The following FAM3C variants were observed in gnomAD, a reference collection of about 807,000 sequenced individuals.
The protein encoded by FAM3C is FAM3 metabolism regulating signaling molecule C.
Under a neutral mutation model 32.5 loss-of-function variants are expected in FAM3C, and 15 were observed. That is an observed-to-expected ratio of 0.46 (90% CI 0.31 to 0.71). The LOEUF is 0.71. Ranked by LOEUF, FAM3C falls within the 30% of genes least tolerant of loss-of-function variation. FAM3C has a pLI of 0.05. For synonymous variants in FAM3C, 75 were observed against 86.1 expected (o/e 0.87, Z 0.72); for missense variants, 175 against 274.4 (o/e 0.64, Z 2.56).
chr7:121,377,415 T>G (rs1794260265), intron 3 of FAM3C, among the ~76,000 whole-genome samples: 1 of 152,200 alleles, frequency 6.6e-6, no homozygotes, highest in Non-Finnish European at 1.5e-5. Flanking sequence ...AACTCAGTAG[T>G]CCAGCAATCT....
At chr7:121,358,373 C>T (rs556878102) in intron 8 of FAM3C, among the ~76,000 whole-genome samples, 3 of 152,034 alleles carry the variant, frequency 2.0e-5, no homozygotes, top group Non-Finnish European at 1.5e-5. Context: ...AGTATTAAAG[C>T]TCTGTCAATT....
Position 121,360,198 on chromosome 7 carries a change from G to C in FAM3C, c.383-71C>G, listed in dbSNP as rs1231889094. On this transcript the variant is annotated intron_variant, in intron 7 of 9. Transcript: ENST00000359943. ...AGCATCACGATAATCTCTGAAAGTA[G>C]TATTATAAAACATGAAGTATCTGTA... 3 of 802,752 alleles carry C rather than the reference G, an allele frequency of 3.7e-6. No homozygotes were observed. The East Asian group carries it at 7.3e-5, about 20-fold the overall frequency. 49.7% of individuals were successfully genotyped at this position (802,752 alleles called of 1,614,324 possible).
At chr7:121,370,407 G>A (rs1348244359) in intron 5 of FAM3C, among the ~76,000 whole-genome samples, 1 of 152,118 alleles carries the variant, frequency 6.6e-6, no homozygotes, top group Admixed American at 6.5e-5. Flanking sequence ...CACATAAACA[G>A]CTAGGAAAAG....
At chr7:121,361,712 G>C (rs1011398444) in intron 7 of FAM3C, among the ~76,000 whole-genome samples, 5 of 152,192 alleles carry the variant, frequency 3.3e-5, no homozygotes, top group Non-Finnish European at 7.3e-5. Flanking sequence ...GTCTGGCTCT[G>C]TCGCCCAGGC....
chr7:121,374,643 A>C (rs1216152616), intron 3 of FAM3C, among the ~76,000 whole-genome samples: 1 of 152,230 alleles, frequency 6.6e-6, no homozygotes, highest in Non-Finnish European at 1.5e-5. Context: ...CTGAAATGAG[A>C]ATTAAAATAA....
At chr7:121,377,647 G>T (rs1794265459) in intron 3 of FAM3C, among the ~76,000 whole-genome samples, 1 of 152,182 alleles carries the variant, frequency 6.6e-6, no homozygotes, top group African/African-American at 2.4e-5. Context: ...GTCAGGTGCT[G>T]CCTAATGACA....
chr7:121,365,833 C>T (rs1339619423), intron 5 of FAM3C, among the ~76,000 whole-genome samples: 1 of 152,042 alleles, frequency 6.6e-6, no homozygotes, highest in Non-Finnish European at 1.5e-5. Flanking sequence ...ATCATGCAAA[C>T]ATTAATCAAA....
At chr7:121,382,160 G>C (rs1315610996) in intron 2 of FAM3C, among the ~76,000 whole-genome samples, 1 of 152,128 alleles carries the variant, frequency 6.6e-6, no homozygotes, top group Non-Finnish European at 1.5e-5. Context: ...GGGAAAAACA[G>C]ACTTATTTTT....
At position 121,362,785 on chromosome 7, in the gene FAM3C, CAA is replaced by C. The variant is rs1793951370; in HGVS notation, c.382+110_382+111del. 5.8e-6 allele frequency: 4 copies of C among 684,718 alleles called. No individual in the cohort carries two copies. In the East Asian group the frequency reaches 1.2e-4, roughly 20 times the overall value. The allele number at this position is 684,718 out of a possible 1,614,324, so 42.4% of individuals were successfully genotyped here. A position where few individuals can be genotyped will look rare whatever the true frequency, so the allele number is the denominator to read the frequency against. On this transcript the variant is annotated intron_variant, in intron 7 of 9. Transcript: ENST00000359943. ...TTTAGTGAACAGAAAGTAAGGGAAA[CAA>C]AATGAACTAACGCAAATAGCATCAT... is the stretch of plus-strand genomic sequence containing the variant.
chr7:121,377,090 G>C (rs552165939), intron 3 of FAM3C, among the ~76,000 whole-genome samples: 1 of 151,930 alleles, frequency 6.6e-6, no homozygotes, highest in African/African-American at 2.4e-5. Flanking sequence ...TGAATCCTGG[G>C]GGCAATTACC....
chr7:121,359,650 T>C (rs1478291435), intron 8 of FAM3C, among the ~76,000 whole-genome samples: 1 of 152,004 alleles, frequency 6.6e-6, no homozygotes. Flanking sequence ...AGCACACCTG[T>C]ATCTTTGACA....
At chr7:121,376,175 T>A (rs1253736468) in intron 3 of FAM3C, among the ~76,000 whole-genome samples, 1 of 152,230 alleles carries the variant, frequency 6.6e-6, no homozygotes, top group South Asian at 2.1e-4. Context: ...AATCTCACTA[T>A]ACTTTGCAGT....
At position 121,371,395 on chromosome 7, in the gene FAM3C, C is replaced by A. The variant is rs1253236839; in HGVS notation, c.177G>T (p.Gly59=). The A allele has an allele frequency of 6.2e-7, 1 of 1,613,896 alleles. No homozygotes were observed. Among genetic ancestry groups the A allele is most frequent in the South Asian group, 1.1e-5 (1 of 91,076 alleles). ...GCTTCTCAGGGCAAGCTTTTGAGAT[C>A]CCACACTTATATCTGGGAGGCTTTG... ...RSTKPPRYKC[G]ISKACPEKHF... is the part of the protein sequence containing the mutation. Residue 59 remains glycine, a synonymous_variant, in exon 5 of 10, where the codon GGG becomes GGT. Coordinates refer to ENST00000359943, the MANE Select transcript of FAM3C (RefSeq NM_014888.3).
At chr7:121,370,498 T>C (rs1794124335) in intron 5 of FAM3C, among the ~76,000 whole-genome samples, 1 of 152,172 alleles carries the variant, frequency 6.6e-6, no homozygotes, top group Non-Finnish European at 1.5e-5. Context: ...TATATTAAAT[T>C]TAAATAAGCC....
chr7:121,368,612 G>A (rs934102692), intron 5 of FAM3C, among the ~76,000 whole-genome samples: 3 of 151,844 alleles, frequency 2.0e-5, no homozygotes, highest in South Asian at 2.1e-4. Context: ...ATAAAATCAC[G>A]ACATGCCAGA....
At chr7:121,392,502 C>T (rs1225810298) in intron 1 of FAM3C, among the ~76,000 whole-genome samples, 2 of 152,262 alleles carry the variant, frequency 1.3e-5, no homozygotes, top group East Asian at 1.9e-4. Flanking sequence ...TTCCCTCCCT[C>T]GACACACAGG....
intron 1 of FAM3C, among the ~76,000 whole-genome samples, chr7:121,388,937 T>C (rs1437383175): frequency 2.0e-5 from 3 of 152,130 alleles, no homozygotes; most frequent in African/African-American, 7.2e-5. Flanking sequence ...TACCTTGTTT[T>C]TCATTTGGCG....
intron 5 of FAM3C, among the ~76,000 whole-genome samples, chr7:121,366,141 T>C (rs760825015): frequency 6.6e-6 from 1 of 152,150 alleles, no homozygotes; most frequent in Non-Finnish European, 1.5e-5. Context: ...TATCTGGCAG[T>C]TCCTCAAATA....
At chr7:121,363,591 T>C (rs1216352558) in intron 6 of FAM3C, among the ~76,000 whole-genome samples, 4 of 152,148 alleles carry the variant, frequency 2.6e-5, no homozygotes, top group African/African-American at 9.6e-5. Context: ...GAATACTTAT[T>C]GTACCAGAAC....
Sources: allele counts gnomAD v4.1 joint callset (sites outside exome capture counted in the v4.1 genomes callset), GRCh38; gene constraint gnomAD v4.1.1; transcripts MANE v1.5; gene names NCBI Gene and HGNC (gene_info 2026-07-23, HGNC 2026-07-21).